The following RPL19 variants were observed in gnomAD, a reference collection of about 807,000 sequenced individuals.
RPL19 encodes ribosomal protein L19, also known as large ribosomal subunit protein eL19.
A neutral mutation model predicts 25.1 loss-of-function variants in RPL19; 2 were observed. The observed-to-expected ratio is 0.08, with a 90% CI of 0.03 to 0.25. RPL19 has a LOEUF of 0.25. Ranked by LOEUF, RPL19 falls within the 10% of genes least tolerant of loss-of-function variation. The pLI, the probability that RPL19 is intolerant of heterozygous loss-of-function variation, is 1.00. For synonymous variants in RPL19, 89 were observed against 91.2 expected (o/e 0.98, Z 0.14); for missense variants, 123 against 271.8 (o/e 0.45, Z 3.85).
intron 1 of RPL19, 166 bp downstream of exon 1, chr17:39,200,515 G>A (rs1555589522): frequency 7.7e-7 from 1 of 1,295,200 alleles, no homozygotes; most frequent in Non-Finnish European, 9.8e-7. Context: ...CCTCCGGAGT[G>A]AGGGGGGGCG....
At chr17:39,203,174 A>ATTTTTTTTTTT (rs59332263) in intron 4 of RPL19, 65 bp downstream of exon 4, 11 of 596,142 alleles carry the variant, frequency 1.8e-5, no homozygotes, top group African/African-American at 1.4e-4. Flanking sequence ...TTTCCCAGAG[A>ATTTTTTTTTTT]TTTTTTTTTT....
chr17:39,204,581 A>C lies in RPL19; in HGVS notation c.524A>C (p.Glu175Ala), dbSNP rs372444094. 5.6e-6 allele frequency: 9 copies of C among 1,614,152 alleles called. No homozygotes were observed. The highest frequency in any genetic ancestry group is 7.6e-6 in the Non-Finnish European group (9 of 1,179,970). ...AAGGAAGCACGCAAGCGCCGTGAAG[A>C]GCGCCTCCAGGCCAAGAAGGAGGAG... ...KTKEARKRRE[E>A]RLQAKKEEII... Residue 175 changes from glutamate to alanine, a missense_variant, in exon 6 of 6, where the codon GAG becomes GCG. Physicochemically the swap from Glu to Ala is moderately radical, Grantham distance 107 (BLOSUM62 -1). Transcript: ENST00000225430.
At chr17:39,200,379 T>A (rs1419720086) in intron 1 of RPL19, 30 bp downstream of exon 1, 4 of 1,550,922 alleles carry the variant, frequency 2.6e-6, no homozygotes, top group East Asian at 2.4e-5. Context: ...CATCAGGCGC[T>A]GACGCGTGTC....
intron 1 of RPL19, 163 bp downstream of exon 1, chr17:39,200,512 A>T: frequency 1.9e-5 from 23 of 1,236,262 alleles, no homozygotes; most frequent in Middle Eastern, 3.3e-4. Context: ...GGGCCTCCGG[A>T]GTGAGGGGGG....
intron 1 of RPL19, chr17:39,200,998 C>A (rs1419699591): frequency 8.0e-6 from 4 of 501,402 alleles, no homozygotes; most frequent in Middle Eastern, 5.2e-4. Flanking sequence ...AGGAGAAATG[C>A]GAACATGAGG....
chr17:39,200,504 G>A (rs753905560), intron 1 of RPL19, 155 bp downstream of exon 1: 14 of 1,295,424 alleles, frequency 1.1e-5, no homozygotes, highest in Admixed American at 3.9e-5. Flanking sequence ...TTCGTCCCGG[G>A]CCTCCGGAGT....
chr17:39,204,680 CTG>C lies in RPL19; in HGVS notation c.*35_*36del, dbSNP rs892160300. ...CCACTTTGTCTGTACATACTGGCCT[CTG>C]TGATTACATAGATCAGCCATTAAAA... On this transcript the variant is annotated 3_prime_UTR_variant, in exon 6 of 6. Coordinates refer to ENST00000225430, the MANE Select transcript of RPL19 (RefSeq NM_000981.4). 3.7e-6 allele frequency: 6 copies of C among 1,601,316 alleles called. No homozygotes were observed. In the African/African-American group the frequency reaches 8.1e-5, roughly 22 times the overall value.
At chr17:39,203,172 AGAT>A in intron 4 of RPL19, 63 bp downstream of exon 4, 13 of 787,096 alleles carry the variant, frequency 1.7e-5, no homozygotes, top group East Asian at 6.4e-5. Context: ...CATTTCCCAG[AGAT>A]TTTTTTTTTT....
chr17:39,204,464 T>C (rs1202857470), intron 5 of RPL19, 61 bp from the exon 6 acceptor site: 14 of 1,596,580 alleles, frequency 8.8e-6, no homozygotes, highest in African/African-American at 1.3e-5. Context: ...GGGATGTGCT[T>C]CTGTCTCCCT....
chr17:39,202,961 G>C, intron 3 of RPL19, 28 bp from the exon 4 acceptor site: 4 of 1,613,620 alleles, frequency 2.5e-6, no homozygotes, highest in Non-Finnish European at 3.4e-6. Flanking sequence ...CTGGGTAGTG[G>C]CCCGTTCCTA....
rs758947048 is a variant in RPL19, at chr17:39,200,369, C to G, written c.5+20C>G. ...CATGAGGTGAGGGCGAGCTGGTCTC[C>G]ATCAGGCGCTGACGCGTGTCGACAA... On this transcript the variant is annotated intron_variant, in intron 1 of 5. Coordinates refer to ENST00000225430, the MANE Select transcript of RPL19 (RefSeq NM_000981.4). 15 of 1,561,492 alleles carry G rather than the reference C, an allele frequency of 9.6e-6. No homozygotes were observed. The highest frequency in any genetic ancestry group is 1.3e-5 in the Non-Finnish European group (15 of 1,155,508).
intron 1 of RPL19, chr17:39,200,565 C>G (rs944159853): frequency 1.1e-4 from 147 of 1,295,672 alleles, no homozygotes; most frequent in Middle Eastern, 3.0e-4. Context: ...AAGTCTGCCC[C>G]GGCTGGTGCC....
intron 1 of RPL19, 168 bp downstream of exon 1, chr17:39,200,517 G>A (rs1325548451): frequency 1.6e-6 from 2 of 1,288,304 alleles, no homozygotes; most frequent in Non-Finnish European, 2.0e-6. Context: ...TCCGGAGTGA[G>A]GGGGGGCGGG....
chr17:39,203,174 A>T (rs1244140237), intron 4 of RPL19, 65 bp downstream of exon 4: 404 of 595,878 alleles, frequency 6.8e-4, no homozygotes, highest in Middle Eastern at 1.2e-3. Context: ...TTTCCCAGAG[A>T]TTTTTTTTTT....
At position 39,200,355 on chromosome 17, in the gene RPL19, G is replaced by A. The variant is rs1388569921; in HGVS notation, c.5+6G>A. On this transcript the variant is annotated splice_donor_region_variant and intron_variant, in intron 1 of 5. Transcript: ENST00000225430. ...GCTGCGGCCGCAGCCATGAGGTGAG[G>A]GCGAGCTGGTCTCCATCAGGCGCTG... is the stretch of plus-strand genomic sequence containing the variant. The A allele has an allele frequency of 6.4e-7, 1 of 1,567,852 alleles. No individual in the cohort carries two copies. Among genetic ancestry groups the A allele is most frequent in the Admixed American group, 1.9e-5 (1 of 51,590 alleles).
Position 39,200,338 on chromosome 17 carries a change from C to T in RPL19, c.-7C>T, listed in dbSNP as rs771528417. 37 of 1,560,004 alleles carry T rather than the reference C, an allele frequency of 2.4e-5. No homozygotes were observed. The highest frequency in any genetic ancestry group is 3.0e-5 in the Non-Finnish European group (35 of 1,155,426). On this transcript the variant is annotated 5_prime_UTR_variant, in exon 1 of 6. Transcript: ENST00000225430. Reference sequence around the variant, plus strand: ...AGCTCTTTCCTTTCGCTGCTGCGGCCGCAGCCATGAGGTGAGGGCGAGCTG... The same window carrying T: ...AGCTCTTTCCTTTCGCTGCTGCGGCTGCAGCCATGAGGTGAGGGCGAGCTG...
chr17:39,200,523 G>A (rs148124103), intron 1 of RPL19, 174 bp downstream of exon 1: 53 of 1,297,392 alleles, frequency 4.1e-5, no homozygotes, highest in Middle Eastern at 3.0e-4. Context: ...GTGAGGGGGG[G>A]CGGGGAGCGT....
At position 39,201,246 on chromosome 17, in the gene RPL19, T is replaced by C. The variant is rs745634725; in HGVS notation, c.39T>C (p.Ser13=). Residue 13 remains serine (S), a synonymous_variant, in exon 2 of 6, where the codon AGT becomes AGC. Transcript: ENST00000225430. The part of the protein sequence containing the change: ...MLRLQKRLAS[S]VLRCGKKKVW... ...GGCTTCAGAAGAGGCTCGCCTCTAG[T>C]GTCCTCCGCTGTGGCAAGAAGAAGG... The C allele has an allele frequency of 2.0e-5, 32 of 1,613,292 alleles. No individual in the cohort carries two copies. In the East Asian group the frequency reaches 4.7e-4, roughly 24 times the overall value.
chr17:39,200,883 A>G (rs2046281907), intron 1 of RPL19: 7 of 546,318 alleles, frequency 1.3e-5, no homozygotes, highest in Non-Finnish European at 1.8e-5. Context: ...GCATTCCTAG[A>G]CTAGAAATCA....
Sources: gnomAD v4.1 joint callset for allele counts on GRCh38, gnomAD v4.1.1 for gene constraint, MANE v1.5 for transcripts, NCBI Gene and HGNC (gene_info 2026-07-23, HGNC 2026-07-21) for gene names.